MGAM2: variants seen among roughly 807,000 people sequenced by gnomAD.
MGAM2 encodes maltase-glucoamylase 2 (putative), also known as probable maltase-glucoamylase 2.
A neutral mutation model predicts 96.1 loss-of-function variants in MGAM2; 98 were observed. The ratio of observed to expected loss-of-function variants is 1.02; its 90% CI spans 0.87 to 1.21. The LOEUF (loss-of-function observed/expected upper bound fraction) is 1.21, where lower values mean the gene tolerates loss of function less well. MGAM2 is among the 50% of genes most tolerant of loss of function. MGAM2 has a pLI of 0.00. For missense variants in MGAM2, 2,055 were observed against 1,182.4 expected (o/e 1.74, Z -10.82); for synonymous variants, 749 against 414.8 (o/e 1.81, Z -9.79).
intron 15 of MGAM2, among the ~76,000 whole-genome samples, chr7:142,149,571 C>T (rs946679942): frequency 2.6e-5 from 4 of 151,276 alleles, no homozygotes; most frequent in Admixed American, 6.6e-5. Flanking sequence ...GACGGAGTCT[C>T]GCTCTGTCGC....
intron 15 of MGAM2, among the ~76,000 whole-genome samples, chr7:142,149,794 GC>G (rs1795510464): frequency 6.6e-6 from 1 of 152,024 alleles, no homozygotes; most frequent in South Asian, 2.1e-4. Context: ...ACCCGCCTTG[GC>G]CTCCCAAAGT....
chr7:142,199,860 C>CTT lies in MGAM2; in HGVS notation c.5049-7_5049-6dup, dbSNP rs370452030. On this transcript the variant is annotated intron_variant, in intron 44 of 47. Coordinates refer to ENST00000477922, the MANE Select transcript of MGAM2 (RefSeq NM_001293626.2). ...ACCTACAATCTAGAGAAAAATAACT[C>CTT]TTTTTTTTTTTTTTGGTAGTCGACA... The CTT allele has an allele frequency of 0.097, 56,227 of 581,856 alleles. 967 individuals carry two copies. Among genetic ancestry groups the CTT allele is most frequent in the African/African-American group, 0.15 (7,393 of 49,544 alleles). The allele number at this position is 581,856 out of a possible 1,614,324, so 36.0% of individuals were successfully genotyped here.
chr7:142,113,742 C>G (rs1397754121), intron 1 of MGAM2, among the ~76,000 whole-genome samples: 1 of 152,104 alleles, frequency 6.6e-6, no homozygotes, highest in Non-Finnish European at 1.5e-5. Flanking sequence ...ATTGCCATCA[C>G]ATGTCATATA....
intron 14 of MGAM2, 142 bp from the exon 15 acceptor site, chr7:142,147,314 A>G: frequency 1.8e-6 from 1 of 557,078 alleles, no homozygotes; most frequent in East Asian, 3.0e-5. Flanking sequence ...AGCATTTAGG[A>G]TAGAATTTAA....
At chr7:142,199,825 T>C in intron 44 of MGAM2, 55 bp from the exon 45 acceptor site, 1 of 645,954 alleles carries the variant, frequency 1.5e-6, no homozygotes. Context: ...GTCTGTTCTT[T>C]ATTCTTACAA....
intron 46 of MGAM2, among the ~76,000 whole-genome samples, chr7:142,212,089 C>G (rs558708767): frequency 6.6e-6 from 1 of 152,182 alleles, no homozygotes. Context: ...TCCAGCCAAA[C>G]TAAGCTTCAT....
At chr7:142,187,251 G>C (rs1796727887) in intron 35 of MGAM2, among the ~76,000 whole-genome samples, 1 of 152,196 alleles carries the variant, frequency 6.6e-6, no homozygotes, top group Non-Finnish European at 1.5e-5. Context: ...AACTCTCCTT[G>C]TGTTTGGCCT....
chr7:142,190,267 CTTTTTTTTTTTT>C (rs58228482), intron 37 of MGAM2, among the ~76,000 whole-genome samples: 2 of 104,246 alleles, frequency 1.9e-5, no homozygotes, highest in Non-Finnish European at 3.7e-5. Flanking sequence ...TACCATTTTA[CTTTTTTTTTTTT>C]TTTTTTTTTT....
rs563325748 is a variant in MGAM2 at position 142,216,310 on chromosome 7, C to T, written c.5188-2051C>T. On this transcript the variant is annotated intron_variant, in intron 46 of 47. Transcript: ENST00000477922. Reference sequence around the variant, plus strand: ...GTCCTGAATTTTAGTTCTATTTCTACTGCTATTATTCAAATTCGGAGAGAC... The same window carrying T: ...GTCCTGAATTTTAGTTCTATTTCTATTGCTATTATTCAAATTCGGAGAGAC... 3.3e-5 allele frequency among the ~76,000 whole-genome samples: 5 copies of T among 152,190 alleles called. No individual in the cohort carries two copies. The East Asian group carries it at 7.7e-4, about 23-fold the overall frequency.
chr7:142,177,158 G>A lies in MGAM2; in HGVS notation c.3816+1378G>A, dbSNP rs1226078886. On this transcript the variant is annotated intron_variant, in intron 32 of 47. Transcript: ENST00000477922. ...GAGATTGGGCAATTTACAAAAGAAA[G>A]ATGTTTAATGGACTCACAGTTCCAT... Among the ~76,000 whole-genome samples, 4 of 152,240 alleles carry A rather than the reference G, an allele frequency of 2.6e-5. No homozygotes were observed. The South Asian group carries it at 6.2e-4, about 24-fold the overall frequency.
chr7:142,219,922 A>G lies in MGAM2; in HGVS notation c.5411A>G (p.Glu1804Gly). 1 of 702,670 alleles carries G rather than the reference A, an allele frequency of 1.4e-6. No homozygotes were observed. Among genetic ancestry groups the G allele is most frequent in the Non-Finnish European group, 2.6e-6 (1 of 384,812 alleles). 43.5% of individuals were successfully genotyped at this position (702,670 alleles called of 1,614,324 possible). A position where few individuals can be genotyped will look rare whatever the true frequency, so the allele number is the denominator to read the frequency against. The change falls in exon 48 of 48, where the codon GAG (glutamate) becomes GGG (glycine). Residue 1804 changes from glutamate (E) to glycine (G), a missense_variant. Glu to Gly is a moderately conservative substitution (Grantham distance 98). Transcript: ENST00000477922. ...DKTINLEKLT[E>G]VTWIDGGPVL... ...ACTATCAACCTGGAAAAGTTAACTGAGGTTACTTGGATTGATGGTGGTCCT... is the reference window on the plus strand; with the variant it reads ...ACTATCAACCTGGAAAAGTTAACTGGGGTTACTTGGATTGATGGTGGTCCT...
At chr7:142,114,733 G>A (rs1817327351) in intron 1 of MGAM2, among the ~76,000 whole-genome samples, 1 of 152,176 alleles carries the variant, frequency 6.6e-6, no homozygotes, top group South Asian at 2.1e-4. Flanking sequence ...CTGTTTCATT[G>A]AGAATAGAGG....
Position 142,130,967 on chromosome 7 carries a change from A to AT in MGAM2, c.207dup (p.Lys70Ter). 2 of 702,768 alleles carry AT rather than the reference A, an allele frequency of 2.8e-6. No homozygotes were observed. The highest frequency in any genetic ancestry group is 5.4e-5 in the East Asian group (2 of 37,276). The allele number at this position is 702,768 out of a possible 1,614,324, so 43.5% of individuals were successfully genotyped here. A position where few individuals can be genotyped will look rare whatever the true frequency, so the allele number is the denominator to read the frequency against. On this transcript the variant is annotated frameshift_variant, in exon 4 of 48. Coordinates refer to ENST00000477922, the MANE Select transcript of MGAM2 (RefSeq NM_001293626.2). LOFTEE classifies it high-confidence loss of function. The stretch of plus-strand genomic sequence containing the variant: ...TTACAGGATATCTGCAGATGGCAAT[A>AT]TAAGTGCTGCTGGTCGCCTGTGGCA...
intron 1 of MGAM2, among the ~76,000 whole-genome samples, chr7:142,114,188 A>G (rs993153584): frequency 7.4e-6 from 1 of 135,778 alleles, no homozygotes; most frequent in African/African-American, 3.1e-5. Flanking sequence ...GAAAGAAAGA[A>G]AGAAAGAAAG....
At chr7:142,130,513 C>A (rs1794853991) in intron 3 of MGAM2, among the ~76,000 whole-genome samples, 1 of 152,226 alleles carries the variant, frequency 6.6e-6, no homozygotes, top group Non-Finnish European at 1.5e-5. Flanking sequence ...CTCTGTCTAA[C>A]CTCCCCTGGT....
rs1439410364 is a variant in MGAM2, at chr7:142,133,648, A to AAAAT, written c.576-331_576-328dup. On this transcript the variant is annotated intron_variant, in intron 6 of 47. Coordinates refer to ENST00000477922, the MANE Select transcript of MGAM2 (RefSeq NM_001293626.2). ...TTTCCTTGTCCAAAAAAAGGGACTCAAAATATCCACTTTTCCTAGGGGCAA... is the reference window on the plus strand; with the variant it reads ...TTTCCTTGTCCAAAAAAAGGGACTCAAAATAAATATCCACTTTTCCTAGGGGCAA... Among the ~76,000 whole-genome samples, 6 of 152,142 alleles carry AAAAT rather than the reference A, an allele frequency of 3.9e-5. No individual in the cohort carries two copies. The East Asian group carries it at 1.2e-3, about 29-fold the overall frequency.
chr7:142,171,637 T>C (rs1175679832), intron 28 of MGAM2, among the ~76,000 whole-genome samples, 197 bp downstream of exon 28: 14 of 94,256 alleles, frequency 1.5e-4, no homozygotes, highest in Non-Finnish European at 2.6e-4. Flanking sequence ...TATATATATA[T>C]ATATATATAT....
At chr7:142,172,568 A>G (rs1796229053) in intron 29 of MGAM2, 84 bp from the exon 30 acceptor site, 1 of 605,150 alleles carries the variant, frequency 1.7e-6, no homozygotes, top group Non-Finnish European at 2.9e-6. Flanking sequence ...CAGAGTATGA[A>G]GAAAGCAAAT....
intron 5 of MGAM2, 121 bp from the exon 6 acceptor site, chr7:142,131,809 AC>A: frequency 1.6e-6 from 1 of 613,714 alleles, no homozygotes. Flanking sequence ...ATCAGAAGCC[AC>A]AAGGTGAAGA....
Sources: allele counts gnomAD v4.1 joint callset (sites outside exome capture counted in the v4.1 genomes callset), GRCh38; gene constraint gnomAD v4.1.1; transcripts MANE v1.5; gene names NCBI Gene and HGNC (gene_info 2026-07-23, HGNC 2026-07-21).